The following ARHGAP8 variants were observed in gnomAD, a reference collection of about 807,000 sequenced individuals.
ARHGAP8 encodes the protein rho GTPase-activating protein 8.
ARHGAP8 carries 62 observed loss-of-function variants against 46.1 expected under a neutral mutation model. That is an observed-to-expected ratio of 1.34 (90% CI 1.10 to 1.66). The LOEUF is 1.66. Ranked by LOEUF, ARHGAP8 falls within the 40% of genes most tolerant of loss-of-function variation. ARHGAP8 has a pLI of 0.00. For synonymous variants in ARHGAP8, 375 were observed against 243.1 expected (o/e 1.54, Z -5.05); for missense variants, 923 against 568.4 (o/e 1.62, Z -6.34).
chr22:44,862,245 T>C (rs1430809848), intron 11 of ARHGAP8, 30 bp from the exon 12 acceptor site: 1 of 1,559,518 alleles, frequency 6.4e-7, no homozygotes, highest in Non-Finnish European at 8.7e-7. Flanking sequence ...TGGTGTTCAC[T>C]CCCCTTTACT....
chr22:44,796,522 C>T (rs576459933), intron 2 of ARHGAP8, among the ~76,000 whole-genome samples: 76 of 151,260 alleles, frequency 5.0e-4, no homozygotes, highest in African/African-American at 1.8e-3. Flanking sequence ...GGGCTGGAGG[C>T]TGAGTTCACT....
intron 10 of ARHGAP8, among the ~76,000 whole-genome samples, chr22:44,858,755 C>G (rs1209750258): frequency 7.0e-6 from 1 of 142,082 alleles, no homozygotes; most frequent in Non-Finnish European, 1.5e-5. Flanking sequence ...AGAGTGGGGG[C>G]CAGTTGCATC....
At chr22:44,854,635 T>C (rs375188428) in intron 10 of ARHGAP8, among the ~76,000 whole-genome samples, 1 of 152,064 alleles carries the variant, frequency 6.6e-6, no homozygotes. Flanking sequence ...TGCAGCTGGT[T>C]TTTTTGTTTT....
rs796490147 is a variant in ARHGAP8 at position 44,827,336 on chromosome 22, G to GTTTTTTTTTTTTTTTTT, written c.596+1753_596+1769dup. On this transcript the variant is annotated intron_variant, in intron 7 of 11. Coordinates refer to ENST00000356099, the MANE Select transcript of ARHGAP8 (RefSeq NM_181335.3). ...GGTGAGATAATACATTTGGGTGGTGGTTTTTTTTTTTTTTTTTTTTTTTTT... is the reference window on the plus strand; with the variant it reads ...GGTGAGATAATACATTTGGGTGGTGGTTTTTTTTTTTTTTTTTTTTTTTTTTTTTTTTTTTTTTTTTT... Among the ~76,000 whole-genome samples, 79 of 67,262 alleles carry GTTTTTTTTTTTTTTTTT rather than the reference G, an allele frequency of 1.2e-3. 22 individuals are homozygous for GTTTTTTTTTTTTTTTTT. The highest frequency in any genetic ancestry group is 0.016 in the Middle Eastern group (1 of 64). 44.1% of individuals were successfully genotyped at this position (67,262 alleles called of 152,430 possible).
chr22:44,755,342 G>A (rs954412529), intron 1 of ARHGAP8, among the ~76,000 whole-genome samples: 2 of 152,230 alleles, frequency 1.3e-5, no homozygotes, highest in Non-Finnish European at 1.5e-5. Context: ...GGAGCCATTC[G>A]GAGCCTGCCG....
chr22:44,854,682 AG>A (rs1308104318), intron 10 of ARHGAP8, among the ~76,000 whole-genome samples: 2 of 152,210 alleles, frequency 1.3e-5, no homozygotes, highest in East Asian at 3.9e-4. Context: ...TCTGTTGCCC[AG>A]GCTGGAGTGC....
intron 10 of ARHGAP8, among the ~76,000 whole-genome samples, chr22:44,859,284 C>G (rs895838714): frequency 6.6e-6 from 1 of 152,136 alleles, no homozygotes; most frequent in Non-Finnish European, 1.5e-5. Flanking sequence ...GGGCAGATAC[C>G]TCATGGGTTG....
chr22:44,845,810 C>T (rs2069941394), intron 8 of ARHGAP8, among the ~76,000 whole-genome samples: 1 of 152,156 alleles, frequency 6.6e-6, no homozygotes, highest in African/African-American at 2.4e-5. Context: ...CTCTCCACAG[C>T]TCCTGAGGCT....
intron 2 of ARHGAP8, among the ~76,000 whole-genome samples, chr22:44,801,340 GCACC>G: frequency 8.8e-6 from 1 of 113,920 alleles, no homozygotes; most frequent in Non-Finnish European, 1.8e-5. Context: ...TGTGTGAGGG[GCACC>G]TCTCCCCGCA....
rs762411913 is a variant in ARHGAP8 at position 44,862,591 on chromosome 22, T to C, written c.1298T>C (p.Leu433Pro). The change falls in exon 12 of 12, where the codon CTC becomes CCC. Residue 433 changes from leucine to proline, a missense_variant. By Grantham distance (98) the Leu-to-Pro change is moderately conservative (BLOSUM62 -3). Transcript: ENST00000356099. ...CCCCTGATGGCAGCCAGAAGACGTC[T>C]CTAGTGTTGCGAACACTCTGTATAT... ...PSPLMAARRR[L>P] 3.8e-6 allele frequency: 6 copies of C among 1,573,918 alleles called. No homozygotes were observed. Among genetic ancestry groups the C allele is most frequent in the Admixed American group, 1.8e-5 (1 of 56,820 alleles).
chr22:44,787,400 C>T (rs1927337577), intron 2 of ARHGAP8, among the ~76,000 whole-genome samples: 1 of 152,094 alleles, frequency 6.6e-6, no homozygotes, highest in African/African-American at 2.4e-5. Context: ...GGCTGGAGTG[C>T]AGTAGTACGA....
intron 1 of ARHGAP8, among the ~76,000 whole-genome samples, chr22:44,757,741 T>C (rs1924796171): frequency 6.6e-6 from 1 of 151,778 alleles, no homozygotes; most frequent in Non-Finnish European, 1.5e-5. Context: ...TGGGCTCAAA[T>C]GATTCTCGTG....
chr22:44,859,557 A>G (rs2070361651), intron 10 of ARHGAP8, 174 bp from the exon 11 acceptor site: 2 of 638,900 alleles, frequency 3.1e-6, no homozygotes, highest in African/African-American at 1.8e-5. Flanking sequence ...CCAAACACAC[A>G]GGTTTGCTGA....
intron 1 of ARHGAP8, among the ~76,000 whole-genome samples, chr22:44,753,494 T>G (rs1028208128): frequency 2.6e-5 from 4 of 151,768 alleles, no homozygotes; most frequent in Non-Finnish European, 5.9e-5. Context: ...GTGCTGGGAT[T>G]ACAGTCGTGA....
At chr22:44,854,533 C>G (rs1462851147) in intron 10 of ARHGAP8, among the ~76,000 whole-genome samples, 1 of 151,878 alleles carries the variant, frequency 6.6e-6, no homozygotes, top group Admixed American at 6.6e-5. Context: ...ATGCCAGGCC[C>G]TTGTTATGCA....
chr22:44,861,975 A>G (rs539755417), intron 11 of ARHGAP8, among the ~76,000 whole-genome samples: 1 of 152,110 alleles, frequency 6.6e-6, no homozygotes, highest in African/African-American at 2.4e-5. Flanking sequence ...GCCCATCCCC[A>G]AGATTGCATC....
At chr22:44,800,339 C>G in intron 2 of ARHGAP8, among the ~76,000 whole-genome samples, 1 of 152,080 alleles carries the variant, frequency 6.6e-6, no homozygotes. Context: ...CTCCTGACCT[C>G]AAGTGATCTG....
At chr22:44,848,849 C>T (rs956915086) in intron 9 of ARHGAP8, 83 bp from the exon 10 acceptor site, 16 of 1,586,834 alleles carry the variant, frequency 1.0e-5, no homozygotes, top group East Asian at 4.5e-5. Context: ...GGACATCTCA[C>T]GCCCTGTGTC....
intron 5 of ARHGAP8, among the ~76,000 whole-genome samples, chr22:44,814,999 C>T (rs531602220): frequency 2.0e-5 from 3 of 152,250 alleles, no homozygotes; most frequent in Non-Finnish European, 2.9e-5. Context: ...TAAAAGCCCC[C>T]CTTTGCCTGA....
Sources: gnomAD v4.1 joint callset for allele counts (sites outside exome capture counted in the v4.1 genomes callset) on GRCh38, gnomAD v4.1.1 for gene constraint, MANE v1.5 for transcripts, NCBI Gene and HGNC (gene_info 2026-07-23, HGNC 2026-07-21) for gene names.